Variants in DOK5 observed in about 807,000 individuals in gnomAD.
DOK5 encodes the protein downstream of tyrosine kinase 5.
In DOK5, 27 loss-of-function variants were observed where a neutral mutation model predicts 43.3. The observed-to-expected ratio is 0.62, with a 90% CI of 0.46 to 0.86. DOK5 has a LOEUF of 0.86. Ranked by LOEUF, DOK5 falls within the 40% of genes least tolerant of loss-of-function variation. The pLI, the probability that DOK5 is intolerant of heterozygous loss-of-function variation, is 0.00. For synonymous variants in DOK5, 146 were observed against 140.1 expected (o/e 1.04, Z -0.30); for missense variants, 373 against 392.9 (o/e 0.95, Z 0.43).
chr20:54,637,922 A>G (rs193021708), intron 6 of DOK5, among the ~76,000 whole-genome samples: 588 of 152,298 alleles, frequency 3.9e-3, no homozygotes, highest in Non-Finnish European at 4.6e-3. Flanking sequence ...GGAGATCAAG[A>G]CCATCGTGGC....
chr20:54,481,819 T>C (rs1426556455), intron 1 of DOK5, among the ~76,000 whole-genome samples: 4 of 152,220 alleles, frequency 2.6e-5, no homozygotes, highest in Non-Finnish European at 5.9e-5. Flanking sequence ...TTATTTAATA[T>C]TTATAAGCCT....
chr20:54,603,475 G>C (rs575454687), intron 5 of DOK5, among the ~76,000 whole-genome samples: 2 of 152,294 alleles, frequency 1.3e-5, no homozygotes, highest in African/African-American at 4.8e-5. Flanking sequence ...CCCTAAACTC[G>C]GACACTGCCT....
At chr20:54,572,528 A>G (rs1985317140) in intron 2 of DOK5, among the ~76,000 whole-genome samples, 1 of 152,206 alleles carries the variant, frequency 6.6e-6, no homozygotes. Context: ...AAAAAATTAA[A>G]TGACATGATT....
At chr20:54,518,116 C>T (rs1240564680) in intron 1 of DOK5, among the ~76,000 whole-genome samples, 2 of 152,030 alleles carry the variant, frequency 1.3e-5, no homozygotes, top group African/African-American at 2.4e-5. Flanking sequence ...ATCATAATCC[C>T]TATTTTCTTT....
At chr20:54,518,664 G>A (rs1045973207) in intron 1 of DOK5, among the ~76,000 whole-genome samples, 1 of 152,076 alleles carries the variant, frequency 6.6e-6, no homozygotes, top group Non-Finnish European at 1.5e-5. Flanking sequence ...TGAGTCAAAT[G>A]GTATTTCTAG....
At chr20:54,536,871 C>T (rs547185324) in intron 1 of DOK5, among the ~76,000 whole-genome samples, 1 of 152,324 alleles carries the variant, frequency 6.6e-6, no homozygotes, top group African/African-American at 2.4e-5. Context: ...CTCAGACTCT[C>T]ATCCACACCC....
intron 1 of DOK5, among the ~76,000 whole-genome samples, chr20:54,481,917 A>G (rs1449491897): frequency 6.6e-6 from 1 of 152,182 alleles, no homozygotes; most frequent in East Asian, 1.9e-4. Context: ...GACACAGTAA[A>G]AACCCAATTA....
chr20:54,504,452 G>C (rs1209845751), intron 1 of DOK5, among the ~76,000 whole-genome samples: 2 of 152,168 alleles, frequency 1.3e-5, no homozygotes, highest in African/African-American at 2.4e-5. Context: ...GAAGTTTTAG[G>C]GGGGGTTTAA....
At chr20:54,643,331 C>T (rs1217615668) in intron 6 of DOK5, 127 bp from the exon 7 acceptor site, 4 of 1,293,046 alleles carry the variant, frequency 3.1e-6, no homozygotes, top group Non-Finnish European at 4.3e-6. Flanking sequence ...CACCTTCAAT[C>T]GATGTTCATT....
intron 6 of DOK5, among the ~76,000 whole-genome samples, chr20:54,621,125 C>G: frequency 6.6e-6 from 1 of 152,178 alleles, no homozygotes; most frequent in East Asian, 1.9e-4. Flanking sequence ...CCTTCACTAA[C>G]GCTATTATAA....
intron 6 of DOK5, among the ~76,000 whole-genome samples, chr20:54,627,395 G>A (rs1181783163): frequency 1.3e-5 from 2 of 152,136 alleles, no homozygotes; most frequent in African/African-American, 2.4e-5. Context: ...TTGAAATGCT[G>A]GAGTATCTTG....
intron 5 of DOK5, among the ~76,000 whole-genome samples, chr20:54,599,462 A>G (rs927973930): frequency 7.9e-5 from 12 of 152,198 alleles, no homozygotes; most frequent in Non-Finnish European, 1.8e-4. Flanking sequence ...CTCTTTAATA[A>G]TCATCTTAAT....
intron 1 of DOK5, among the ~76,000 whole-genome samples, chr20:54,542,083 G>A (rs1256511229): frequency 6.9e-6 from 1 of 144,882 alleles, no homozygotes; most frequent in African/African-American, 2.7e-5. Flanking sequence ...ATCACACCAT[G>A]AGACATATTA....
At chr20:54,560,614 C>T (rs916432499) in intron 2 of DOK5, among the ~76,000 whole-genome samples, 1 of 152,112 alleles carries the variant, frequency 6.6e-6, no homozygotes, top group Non-Finnish European at 1.5e-5. Flanking sequence ...CCTACCCAAG[C>T]TTGGTTTCTT....
At chr20:54,512,433 A>C (rs138612703) in intron 1 of DOK5, among the ~76,000 whole-genome samples, 1 of 152,302 alleles carries the variant, frequency 6.6e-6, no homozygotes, top group Non-Finnish European at 1.5e-5. Context: ...ATTTGTTAAA[A>C]ATATGCATTG....
intron 1 of DOK5, among the ~76,000 whole-genome samples, chr20:54,524,542 C>G (rs1437363221): frequency 6.6e-6 from 1 of 152,142 alleles, no homozygotes; most frequent in Non-Finnish European, 1.5e-5. Context: ...TGCCTTCTCT[C>G]CTGGAACCAT....
At chr20:54,481,543 A>G (rs1310162761) in intron 1 of DOK5, among the ~76,000 whole-genome samples, 3 of 151,348 alleles carry the variant, frequency 2.0e-5, no homozygotes, top group Non-Finnish European at 4.4e-5. Context: ...TAGACTTATT[A>G]CCCTCTCCTT....
At chr20:54,649,077 G>A (rs1031967273) in intron 7 of DOK5, among the ~76,000 whole-genome samples, 2 of 152,232 alleles carry the variant, frequency 1.3e-5, no homozygotes, top group African/African-American at 4.8e-5. Flanking sequence ...GCACTAAACA[G>A]TTGTGTCACT....
chr20:54,528,831 T>A (rs1373751064), intron 1 of DOK5, among the ~76,000 whole-genome samples: 5 of 152,144 alleles, frequency 3.3e-5, no homozygotes, highest in Non-Finnish European at 7.4e-5. Context: ...TGTACTGTTG[T>A]ATTTTAAAAT....
Sources: gnomAD v4.1 joint callset for allele counts (sites outside exome capture counted in the v4.1 genomes callset) on GRCh38, gnomAD v4.1.1 for gene constraint, MANE v1.5 for transcripts, NCBI Gene and HGNC (gene_info 2026-07-23, HGNC 2026-07-21) for gene names.